The following CTBP2 variants were observed in gnomAD, a reference collection of about 807,000 sequenced individuals.
The protein encoded by CTBP2 is C-terminal-binding protein 2.
In CTBP2, 30 loss-of-function variants were observed where a neutral mutation model predicts 80.3. The observed-to-expected ratio is 0.37, with a 90% CI of 0.28 to 0.51. The LOEUF (loss-of-function observed/expected upper bound fraction) is 0.51, where lower values mean the gene tolerates loss of function less well. Among genes scored for constraint, CTBP2 ranks in the 20% least tolerant of loss-of-function variants. The pLI is 0.93. For synonymous variants in CTBP2, 594 were observed against 587.4 expected (o/e 1.01, Z -0.16); for missense variants, 1,212 against 1,375.3 (o/e 0.88, Z 1.88).
intron 3 of CTBP2, 168 bp from the exon 6 acceptor site, chr10:124,998,338 T>G (rs1953947073): frequency 5.8e-6 from 4 of 687,448 alleles, no homozygotes; most frequent in Non-Finnish European, 9.7e-6. Flanking sequence ...GCCCTCTGGC[T>G]CTGATGCATG....
chr10:124,998,173 G>A lies in CTBP2; in HGVS notation c.1979-3C>T, dbSNP rs751893269. On this transcript the variant is annotated splice_polypyrimidine_tract_variant and splice_region_variant and intron_variant, in intron 3 of 8. Coordinates refer to ENST00000309035, the MANE Select transcript of CTBP2 (RefSeq NM_022802.3). ...CGGGATGTTGCACACGGCAATTCCT[G>A]AAAGGGATGAGGCCAAGGCCGGAGA... 1.9e-6 allele frequency: 3 copies of A among 1,601,334 alleles called. No individual in the cohort carries two copies. In the South Asian group the frequency reaches 3.4e-5, roughly 18 times the overall value.
At chr10:125,105,915 A>C (rs1851378316) in intron 2 of CTBP2, among the ~76,000 whole-genome samples, 1 of 152,194 alleles carries the variant, frequency 6.6e-6, no homozygotes, top group East Asian at 1.9e-4. Context: ...CTTGACAGTA[A>C]ACACAATGCA....
At chr10:125,160,882 G>C (rs1020227312), upstream of CTBP2, 1 of 146,826 alleles carries the variant, frequency 6.8e-6, no homozygotes, top group Non-Finnish European at 1.5e-5. Flanking sequence ...CCTGGATGCC[G>C]AGCGCCTCCC....
intron 3 of CTBP2, among the ~76,000 whole-genome samples, chr10:125,037,740 G>T (rs1357900354): frequency 1.3e-5 from 2 of 152,212 alleles, no homozygotes; most frequent in East Asian, 3.8e-4. Flanking sequence ...AGATTCCTGG[G>T]GTTCATTCCG....
intron 1 of CTBP2, among the ~76,000 whole-genome samples, chr10:125,121,394 C>T (rs964073913): frequency 1.4e-4 from 22 of 152,166 alleles, no homozygotes; most frequent in African/African-American, 4.3e-4. Flanking sequence ...TGAAGGAAAC[C>T]GGGTTCTATT....
chr10:125,039,135 T>C (rs973226527), exon 3 of CTBP2: 2 of 1,208,030 alleles, frequency 1.7e-6, no homozygotes, highest in African/African-American at 3.0e-5. Flanking sequence ...GGAGTCTGCG[T>C]GCATGACGCC....
upstream of CTBP2, chr10:125,160,735 TCCC>T (rs1301367053): frequency 2.2e-5 from 2 of 90,320 alleles, no homozygotes; most frequent in African/African-American, 8.8e-5. Context: ...GGTTCCCAAT[TCCC>T]CCCGCGTCCC....
At position 125,078,238 on chromosome 10, in the gene CTBP2, C is replaced by A. The variant is rs371904609; in HGVS notation, c.-102+32752G>T. On this transcript the variant is annotated intron_variant, in intron 2 of 10. Coordinates refer to the CTBP2 transcript ENST00000337195. ...GAGCTTGTAGTGAGCCGAGATCGCG[C>A]CTCTGCACTCCAGCCTGGGCGACAG... is the stretch of plus-strand genomic sequence containing the variant. Among the ~76,000 whole-genome samples the A allele has an allele frequency of 4.1e-3, 622 of 150,180 alleles. 7 individuals carry two copies. Among genetic ancestry groups the A allele is most frequent in the African/African-American group, 0.014 (584 of 40,636 alleles).
Position 125,026,149 on chromosome 10 carries a change from C to T in CTBP2, c.1611G>A (p.Pro537=), listed in dbSNP as rs200607400. ...CTGTGCGCCGGGCCACCTTCTGGTACGGTGAGTGAGGCGTGTGGAGGCTCT... is the reference window on the plus strand; with the variant it reads ...CTGTGCGCCGGGCCACCTTCTGGTATGGTGAGTGAGGCGTGTGGAGGCTCT... Residue 537 remains proline (P), a synonymous_variant, in exon 1 of 9, where the codon CCG becomes CCA. Transcript: ENST00000309035. 36 of 1,606,388 alleles carry T rather than the reference C, an allele frequency of 2.2e-5. No individual in the cohort carries two copies. Among genetic ancestry groups the T allele is most frequent in the Middle Eastern group, 3.3e-4 (2 of 6,058 alleles).
chr10:125,024,068 T>C (rs1043526680), intron 1 of CTBP2, among the ~76,000 whole-genome samples: 3 of 152,216 alleles, frequency 2.0e-5, no homozygotes, highest in African/African-American at 7.2e-5. Context: ...GCCTGTGCTT[T>C]CCTGAAATGT....
intron 2 of CTBP2, among the ~76,000 whole-genome samples, chr10:125,068,563 C>A (rs2135425818): frequency 6.6e-6 from 1 of 152,298 alleles, no homozygotes; most frequent in Admixed American, 6.5e-5. Context: ...GAGCAAGTGT[C>A]CTGGAGGTGG....
At chr10:125,044,908 GTACTT>G (rs1179793576) in intron 2 of CTBP2, among the ~76,000 whole-genome samples, 1 of 152,154 alleles carries the variant, frequency 6.6e-6, no homozygotes, top group East Asian at 1.9e-4. Flanking sequence ...TACTAAAACT[GTACTT>G]TAAAGGAAGG....
At chr10:125,012,344 G>A (rs1435703571) in intron 1 of CTBP2, among the ~76,000 whole-genome samples, 1 of 152,222 alleles carries the variant, frequency 6.6e-6, no homozygotes, top group African/African-American at 2.4e-5. Context: ...TTCCCAACAC[G>A]GGGACGGTCC....
At chr10:125,007,541 G>A (rs1007381911) in intron 1 of CTBP2, among the ~76,000 whole-genome samples, 5 of 152,122 alleles carry the variant, frequency 3.3e-5, no homozygotes, top group African/African-American at 4.8e-5. Context: ...GGAGGATGGC[G>A]GAAGGATCCG....
chr10:125,146,678 G>A (rs971846789), intron 1 of CTBP2, among the ~76,000 whole-genome samples: 6 of 152,104 alleles, frequency 3.9e-5, no homozygotes, highest in South Asian at 2.1e-4. Context: ...ACTAACTGCC[G>A]GACAGGCACC....
At chr10:125,008,758 A>T (rs12769019) in intron 1 of CTBP2, among the ~76,000 whole-genome samples, 1 of 152,166 alleles carries the variant, frequency 6.6e-6, no homozygotes, top group Non-Finnish European at 1.5e-5. Flanking sequence ...GGCAAAATTT[A>T]TTCAAAGATC....
At chr10:125,036,195 G>A (rs1206941583) in intron 3 of CTBP2, among the ~76,000 whole-genome samples, 2 of 152,150 alleles carry the variant, frequency 1.3e-5, no homozygotes, top group African/African-American at 4.8e-5. Flanking sequence ...GCTTTGAAAA[G>A]TTTCAAAGAG....
At chr10:125,057,865 G>C (rs559937561) in intron 2 of CTBP2, among the ~76,000 whole-genome samples, 2 of 152,066 alleles carry the variant, frequency 1.3e-5, no homozygotes, top group African/African-American at 4.8e-5. Context: ...CCTGGACTTC[G>C]TTACACTCTG....
intron 2 of CTBP2, among the ~76,000 whole-genome samples, chr10:125,070,941 T>A (rs2135450864): frequency 6.6e-6 from 1 of 152,304 alleles, no homozygotes; most frequent in East Asian, 1.9e-4. Context: ...AAAATTTTTC[T>A]AAAATAAAAA....
Sources: gnomAD v4.1 joint callset for allele counts (sites outside exome capture counted in the v4.1 genomes callset) on GRCh38, gnomAD v4.1.1 for gene constraint, MANE v1.5 for transcripts, NCBI Gene and HGNC (gene_info 2026-07-23, HGNC 2026-07-21) for gene names.